The following CTDSPL2 variants were observed in gnomAD, a reference collection of about 807,000 sequenced individuals.
The protein encoded by CTDSPL2 is CTD small phosphatase-like protein 2.
CTDSPL2 carries 5 observed loss-of-function variants against 60.0 expected under a neutral mutation model. That is an observed-to-expected ratio of 0.08 (90% CI 0.04 to 0.18). The LOEUF is 0.18. CTDSPL2 is among the 10% of genes least tolerant of loss of function. The pLI is 1.00. For synonymous variants in CTDSPL2, 186 were observed against 189.3 expected (o/e 0.98, Z 0.14); for missense variants, 370 against 548.8 (o/e 0.67, Z 3.26).
chr15:44,448,584 C>A (rs1030303593), intron 1 of CTDSPL2: 1 of 297,476 alleles, frequency 3.4e-6, no homozygotes, highest in Non-Finnish European at 6.6e-6. Flanking sequence ...CCATGTTCAT[C>A]CCAGAGCCAA....
At chr15:44,453,825 T>C (rs1595712018) in intron 1 of CTDSPL2, among the ~76,000 whole-genome samples, 2 of 152,292 alleles carry the variant, frequency 1.3e-5, no homozygotes, top group Admixed American at 1.3e-4. Context: ...CAGTCTATCA[T>C]TGATGGACAT....
intron 2 of CTDSPL2, among the ~76,000 whole-genome samples, chr15:44,482,924 A>G (rs1017443835): frequency 6.6e-5 from 10 of 152,202 alleles, no homozygotes; most frequent in Admixed American, 6.5e-4. Context: ...TCTCATTAAA[A>G]CAGTAAGGAA....
At chr15:44,448,649 A>G (rs1245278123) in intron 1 of CTDSPL2, 1 of 319,076 alleles carries the variant, frequency 3.1e-6, no homozygotes, top group African/African-American at 2.2e-5. Context: ...CATTTCTCCC[A>G]TTTTATTCTA....
intron 8 of CTDSPL2, among the ~76,000 whole-genome samples, chr15:44,512,778 CTTTGT>C (rs2081587536): frequency 6.6e-6 from 1 of 152,098 alleles, no homozygotes; most frequent in Non-Finnish European, 1.5e-5. Context: ...ATGTGGTTTA[CTTTGT>C]TTTTGATCAT....
chr15:44,511,341 G>A (rs2081561806), intron 8 of CTDSPL2, among the ~76,000 whole-genome samples: 1 of 152,212 alleles, frequency 6.6e-6, no homozygotes, highest in African/African-American at 2.4e-5. Flanking sequence ...TATGCACAAT[G>A]AAGTTATAGC....
At chr15:44,518,374 A>G (rs2081696516) in intron 10 of CTDSPL2, among the ~76,000 whole-genome samples, 1 of 152,220 alleles carries the variant, frequency 6.6e-6, no homozygotes, top group African/African-American at 2.4e-5. Flanking sequence ...TAAAACCTTT[A>G]ATAGCTTTCT....
intron 2 of CTDSPL2, among the ~76,000 whole-genome samples, chr15:44,477,507 C>T (rs1188542397): frequency 6.6e-6 from 1 of 151,420 alleles, no homozygotes; most frequent in Non-Finnish European, 1.5e-5. Flanking sequence ...TGCACTCCAG[C>T]CTTGGTGACA....
In CTDSPL2 at chr15:44,504,738, G is replaced by A. The variant is rs565737397; in HGVS notation, c.969+4925G>A. On this transcript the variant is annotated intron_variant, in intron 8 of 12. Coordinates refer to ENST00000260327, the MANE Select transcript of CTDSPL2 (RefSeq NM_016396.3). Reference sequence around the variant, plus strand: ...AAAAAAAATTAGCCGGGCATGGTGGGGAGCACCTATAGTCCCAGCTACTCG... The same window carrying A: ...AAAAAAAATTAGCCGGGCATGGTGGAGAGCACCTATAGTCCCAGCTACTCG... Among the ~76,000 whole-genome samples, 681 of 151,996 alleles carry A rather than the reference G, an allele frequency of 4.5e-3. 4 individuals are homozygous for A. The highest frequency in any genetic ancestry group is 0.016 in the African/African-American group (649 of 41,466).
intron 12 of CTDSPL2, among the ~76,000 whole-genome samples, chr15:44,522,759 A>G (rs2081804116): frequency 6.6e-6 from 1 of 152,158 alleles, no homozygotes; most frequent in South Asian, 2.1e-4. Context: ...TCTCAAAACA[A>G]AACAAAACAA....
At chr15:44,506,939 T>C (rs1004482535) in intron 8 of CTDSPL2, among the ~76,000 whole-genome samples, 3 of 149,840 alleles carry the variant, frequency 2.0e-5, no homozygotes, top group Non-Finnish European at 3.0e-5. Flanking sequence ...GCTAATTTTT[T>C]TGTATTTTTA....
chr15:44,510,953 A>C (rs1184240619), intron 8 of CTDSPL2, among the ~76,000 whole-genome samples: 2 of 152,284 alleles, frequency 1.3e-5, no homozygotes, highest in South Asian at 4.2e-4. Context: ...CCTATATCCA[A>C]ATAACTTAGA....
chr15:44,470,132 A>G (rs1003225493), intron 2 of CTDSPL2, among the ~76,000 whole-genome samples: 2 of 150,788 alleles, frequency 1.3e-5, no homozygotes, highest in East Asian at 1.9e-4. Flanking sequence ...TGGCGACTGC[A>G]TAGTCAGCTA....
intron 1 of CTDSPL2, among the ~76,000 whole-genome samples, chr15:44,436,993 A>G (rs1273544318): frequency 6.6e-6 from 1 of 152,188 alleles, no homozygotes; most frequent in Non-Finnish European, 1.5e-5. Context: ...AAATTCATTT[A>G]TGTTTCATAA....
chr15:44,504,951 T>C (rs1414998322), intron 8 of CTDSPL2, among the ~76,000 whole-genome samples: 3 of 152,202 alleles, frequency 2.0e-5, no homozygotes, highest in Non-Finnish European at 4.4e-5. Context: ...CACTTTCCCA[T>C]CCTTATTAGT....
chr15:44,474,392 G>A (rs1266025140), intron 2 of CTDSPL2, among the ~76,000 whole-genome samples: 1 of 152,180 alleles, frequency 6.6e-6, no homozygotes, highest in African/African-American at 2.4e-5. Flanking sequence ...TCAGGAGGCT[G>A]AGGCGGGAGA....
chr15:44,435,465 G>A (rs1283049084), intron 1 of CTDSPL2, among the ~76,000 whole-genome samples: 1 of 151,586 alleles, frequency 6.6e-6, no homozygotes, highest in Non-Finnish European at 1.5e-5. Flanking sequence ...AGCTACTCGG[G>A]AGGCTGAGAC....
intron 1 of CTDSPL2, among the ~76,000 whole-genome samples, chr15:44,434,414 G>A (rs1355950472): frequency 3.3e-5 from 5 of 152,088 alleles, no homozygotes; most frequent in Admixed American, 6.6e-5. Context: ...AAAAAAAGAA[G>A]ACAGAGTCTT....
rs2081619876 is a variant in CTDSPL2, at chr15:44,514,652, A to G, written c.1024A>G (p.Met342Val). The G allele has an allele frequency of 1.2e-6, 2 of 1,605,962 alleles. No homozygotes were observed. The highest frequency in any genetic ancestry group is 1.1e-5 in the South Asian group (1 of 90,864). ...FREFLERMSQMYEIILFTASK... is the reference protein window; with the variant it reads ...FREFLERMSQVYEIILFTASK... The stretch of plus-strand genomic sequence containing the variant: ...GGAATTCCTGGAACGAATGTCTCAG[A>G]TGTATGAGGTAAACATGCTTAAGCT... Residue 342 changes from methionine to valine, a missense_variant, in exon 9 of 13, where the codon ATG becomes GTG. Met to Val is a conservative substitution (Grantham distance 21, BLOSUM62 1). Around this residue, in one of 6 missense-constraint regions of CTDSPL2, gnomAD observed 21 missense variants for 42.1 expected, o/e 0.50. Coordinates refer to ENST00000260327, the MANE Select transcript of CTDSPL2 (RefSeq NM_016396.3).
intron 2 of CTDSPL2, among the ~76,000 whole-genome samples, chr15:44,483,474 G>C (rs1351516131): frequency 2.0e-5 from 3 of 151,786 alleles, no homozygotes; most frequent in Non-Finnish European, 4.4e-5. Context: ...GGAGGTTGAG[G>C]TTGCAGTGAG....
Sources: allele counts gnomAD v4.1 joint callset (sites outside exome capture counted in the v4.1 genomes callset), GRCh38; gene constraint gnomAD v4.1.1; regional missense constraint gnomAD v4.1.1; transcripts MANE v1.5; gene names NCBI Gene and HGNC (gene_info 2026-07-23, HGNC 2026-07-21).